ZAN: variants seen among roughly 807,000 people sequenced by gnomAD.
The protein encoded by ZAN is zonadhesin (gene/pseudogene).
ZAN carries 260 observed loss-of-function variants against 286.2 expected under a neutral mutation model. The ratio of observed to expected loss-of-function variants is 0.91; its 90% CI spans 0.82 to 1.01. ZAN has a LOEUF of 1.01. Ranked by LOEUF, ZAN falls within the 50% of genes least tolerant of loss-of-function variation. The probability of loss-of-function intolerance (pLI) is 0.00; values close to 1 mark genes in which losing one functional copy is unlikely to be tolerated. For synonymous variants in ZAN, 1,368 were observed against 1,417.5 expected (o/e 0.97, Z 0.79); for missense variants, 3,410 against 3,639.2 (o/e 0.94, Z 1.62).
chr7:100,749,437 G>A (rs563791257), intron 11 of ZAN, among the ~76,000 whole-genome samples: 121 of 150,612 alleles, frequency 8.0e-4, no homozygotes, highest in African/African-American at 2.5e-3. Context: ...TCAGGAGATC[G>A]AGACCATCCT....
chr7:100,735,803 C>G, intron 3 of ZAN, 31 bp downstream of exon 3: 1 of 1,415,782 alleles, frequency 7.1e-7, no homozygotes, highest in Non-Finnish European at 9.7e-7. Context: ...GCTAAGATTT[C>G]TCCTCCCTCC....
intron 29 of ZAN, among the ~76,000 whole-genome samples, chr7:100,772,759 T>G (rs983379649): frequency 6.6e-6 from 1 of 151,166 alleles, no homozygotes; most frequent in Non-Finnish European, 1.5e-5. Context: ...AGGTGGAGCT[T>G]GCAGTGACCC....
At chr7:100,769,799 G>A (rs985533374) in intron 27 of ZAN, 81 bp from the exon 28 acceptor site, 11 of 1,278,972 alleles carry the variant, frequency 8.6e-6, no homozygotes, top group African/African-American at 7.4e-5. Flanking sequence ...CTCCTGCCTT[G>A]GCTTCCCAAA....
At chr7:100,779,331 C>A in intron 34 of ZAN, 115 bp from the exon 35 acceptor site, 1 of 1,035,378 alleles carries the variant, frequency 9.7e-7, no homozygotes, top group Non-Finnish European at 1.4e-6. Flanking sequence ...TGAGCTGAGA[C>A]TGTTGCATTG....
rs1807366267 is a variant in ZAN at position 100,737,099 on chromosome 7, T to C, written c.525+19T>C. 1 of 1,482,112 alleles carries C rather than the reference T, an allele frequency of 6.7e-7. No homozygotes were observed. The highest frequency in any genetic ancestry group is 9.2e-7 in the Non-Finnish European group (1 of 1,087,306). 91.8% of individuals were successfully genotyped at this position (1,482,112 alleles called of 1,614,324 possible). A position where few individuals can be genotyped will look rare whatever the true frequency, so the allele number is the denominator to read the frequency against. ...CACCCGGGTAAGGCCGGGGACAAAT[T>C]GTGGGACCTCGGGGGGGAGTCTGGG... On this transcript the variant is annotated intron_variant, in intron 5 of 47. Coordinates refer to ENST00000613979, the MANE Select transcript of ZAN (RefSeq NM_003386.3).
At position 100,787,920 on chromosome 7, in the gene ZAN, C is replaced by T; in HGVS notation, c.7011C>T (p.Pro2337=). The change falls in exon 38 of 48, where the codon CCC becomes CCT. Residue 2337 remains proline, a synonymous_variant. Transcript: ENST00000613979. The stretch of plus-strand genomic sequence containing the variant: ...AACAATGCTCAGTCTATGGCGACCC[C>T]CGTTACCTCACATTTGACGGCTTCA... ...KSEQCSVYGD[P]RYLTFDGFSY... is the part of the protein sequence containing the mutation. 1 of 1,544,246 alleles carries T rather than the reference C, an allele frequency of 6.5e-7. No individual in the cohort carries two copies.
intron 17 of ZAN, 123 bp downstream of exon 17, chr7:100,758,773 C>A: frequency 6.9e-7 from 1 of 1,440,448 alleles, no homozygotes; most frequent in Non-Finnish European, 9.3e-7. Context: ...AAGATAGGAG[C>A]AAGTTCTTCT....
chr7:100,778,371 A>G (rs548453031), intron 34 of ZAN, among the ~76,000 whole-genome samples: 64 of 151,102 alleles, frequency 4.2e-4, no homozygotes, highest in African/African-American at 1.4e-3. Context: ...CGTGAGGCCA[A>G]TGTGGGAGGA....
chr7:100,762,733 C>T (rs1809684378), intron 20 of ZAN, among the ~76,000 whole-genome samples: 1 of 146,536 alleles, frequency 6.8e-6, no homozygotes, highest in Non-Finnish European at 1.5e-5. Flanking sequence ...ACGTCCAGCC[C>T]TCCACCCGCC....
At chr7:100,771,454 C>T (rs772745034) in intron 28 of ZAN, among the ~76,000 whole-genome samples, 6 of 144,860 alleles carry the variant, frequency 4.1e-5, no homozygotes, top group Admixed American at 6.9e-5. Context: ...TTTTTTGAGA[C>T]GGAGTCTTGA....
At chr7:100,743,023 TTTTC>T (rs1165329602) in intron 7 of ZAN, among the ~76,000 whole-genome samples, 7 of 132,396 alleles carry the variant, frequency 5.3e-5, no homozygotes, top group South Asian at 2.4e-4. Flanking sequence ...CACTCTTTCT[TTTTC>T]TTTCTTTTTT....
chr7:100,783,732 G>A (rs543877212), intron 35 of ZAN, among the ~76,000 whole-genome samples: 3 of 8,632 alleles, frequency 3.5e-4, no homozygotes, highest in East Asian at 4.9e-3. Flanking sequence ...CCCGTCCCCC[G>A]CAAAAAAAAA....
chr7:100,771,994 C>T lies in ZAN; in HGVS notation c.5399C>T (p.Pro1800Leu), dbSNP rs746291696. Reference sequence around the variant, plus strand: ...CTGTGTGCCCAGGCTGGCCAGGCCCCTGCCTGGCGGAACAGAACCTTCTGC... The same window carrying T: ...CTGTGTGCCCAGGCTGGCCAGGCCCTTGCCTGGCGGAACAGAACCTTCTGC... ...ASLCAQAGQA[P>L]AWRNRTFCPM... The change falls in exon 29 of 48, where the codon CCT becomes CTT. Residue 1800 changes from proline (P) to leucine (L), a missense_variant. Physicochemically the swap from Pro to Leu is moderately conservative, Grantham distance 98. Around this residue, in one of 7 missense-constraint regions of ZAN, gnomAD observed 1,289 missense variants for 1,314.3 expected, o/e 0.98. Transcript: ENST00000613979. The T allele has an allele frequency of 6.2e-7, 1 of 1,605,334 alleles. No individual in the cohort carries two copies. Among genetic ancestry groups the T allele is most frequent in the East Asian group, 2.2e-5 (1 of 44,754 alleles).
At chr7:100,741,721 G>T (rs1393405616) in intron 7 of ZAN, among the ~76,000 whole-genome samples, 211 of 12,840 alleles carry the variant, frequency 0.016, no homozygotes, top group East Asian at 0.051. Flanking sequence ...CAGACGGGGC[G>T]GCTGGCCGGG....
intron 7 of ZAN, among the ~76,000 whole-genome samples, chr7:100,745,014 G>C (rs1474394948): frequency 2.0e-5 from 3 of 151,412 alleles, no homozygotes; most frequent in Non-Finnish European, 4.4e-5. Flanking sequence ...CTCCCGAGTA[G>C]CTGGGATTAC....
intron 35 of ZAN, among the ~76,000 whole-genome samples, chr7:100,783,578 A>C (rs754701217): frequency 3.3e-4 from 49 of 148,640 alleles, no homozygotes; most frequent in Non-Finnish European, 6.8e-4. Flanking sequence ...TACTAAAAAT[A>C]CAAAAATTAG....
intron 26 of ZAN, among the ~76,000 whole-genome samples, chr7:100,768,230 G>C (rs1002514904): frequency 6.6e-6 from 1 of 152,204 alleles, no homozygotes; most frequent in African/African-American, 2.4e-5. Flanking sequence ...GCAACACTTT[G>C]AGAGCCCGAG....
intron 19 of ZAN, 134 bp downstream of exon 19, chr7:100,760,670 G>A (rs564872202): frequency 2.7e-5 from 37 of 1,347,616 alleles, no homozygotes; most frequent in Admixed American, 1.8e-4. Context: ...ATGCATTCAC[G>A]GATGGGAAGC....
Position 100,779,653 on chromosome 7 carries a change from T to A in ZAN, c.6525T>A (p.Gly2175=), listed in dbSNP as rs1365729399. 2 of 1,582,664 alleles carry A rather than the reference T, an allele frequency of 1.3e-6. No homozygotes were observed. Among genetic ancestry groups the A allele is most frequent in the Non-Finnish European group, 1.7e-6 (2 of 1,164,644 alleles). The change falls in exon 35 of 48, where the codon GGT becomes GGA. Residue 2175 remains glycine (G), a synonymous_variant. Transcript: ENST00000613979. ...CAAACACCCTCTGTGAGTTCGGAGGTCTCTACCAGGCCCTCTGCCAGGCTC... is the reference window on the plus strand; with the variant it reads ...CAAACACCCTCTGTGAGTTCGGAGGACTCTACCAGGCCCTCTGCCAGGCTC... ...DCANTLCEFG[G]LYQALCQALQ...
Sources: gnomAD v4.1 joint callset for allele counts (sites outside exome capture counted in the v4.1 genomes callset) on GRCh38, gnomAD v4.1.1 for gene constraint, gnomAD v4.1.1 regional missense constraint, MANE v1.5 for transcripts, NCBI Gene and HGNC (gene_info 2026-07-23, HGNC 2026-07-21) for gene names.